ANO9: variants seen among roughly 807,000 people sequenced by gnomAD.
The protein encoded by ANO9 is anoctamin-9.
Under a neutral mutation model 100.5 loss-of-function variants are expected in ANO9, and 80 were observed. That is an observed-to-expected ratio of 0.80 (90% CI 0.66 to 0.96). The LOEUF (loss-of-function observed/expected upper bound fraction) is 0.96. Among genes scored for constraint, ANO9 ranks in the 40% least tolerant of loss-of-function variants. The probability of loss-of-function intolerance (pLI) is 0.00; values close to 1 mark genes in which losing one functional copy is unlikely to be tolerated. For missense variants in ANO9, 1,064 were observed against 1,072.7 expected (o/e 0.99, Z 0.11); for synonymous variants, 473 against 435.6 (o/e 1.09, Z -1.07).
intron 15 of ANO9, among the ~76,000 whole-genome samples, chr11:426,726 A>T (rs1848541874): frequency 1.3e-5 from 2 of 152,114 alleles, no homozygotes; most frequent in Admixed American, 1.3e-4. Flanking sequence ...CCCTGCCAGG[A>T]TCCCCAGGAA....
chr11:428,438 AC>A (rs747617478), intron 13 of ANO9, 36 bp downstream of exon 13: 3 of 1,611,970 alleles, frequency 1.9e-6, no homozygotes, highest in Non-Finnish European at 2.5e-6. Context: ...GCTCCGGTGG[AC>A]CCCCCAGCTC....
At position 418,180 on chromosome 11, in the gene ANO9, G is replaced by A. The variant is rs987174748; in HGVS notation, c.*191C>T. ...CAAGTCAGGGCTGTGCCAAGCCTGAGAGCCCCCACAAAGACGGAGCAGGCG... is the reference window on the plus strand; with the variant it reads ...CAAGTCAGGGCTGTGCCAAGCCTGAAAGCCCCCACAAAGACGGAGCAGGCG... On this transcript the variant is annotated 3_prime_UTR_variant, in exon 23 of 23. Transcript: ENST00000332826. The A allele has an allele frequency of 1.6e-6, 1 of 626,988 alleles. No individual in the cohort carries two copies. The highest frequency in any genetic ancestry group is 2.7e-6 in the Non-Finnish European group (1 of 368,328). The allele number at this position is 626,988 out of a possible 1,614,324, so 38.8% of individuals were successfully genotyped here.
intron 20 of ANO9, 90 bp downstream of exon 20, chr11:419,492 A>G (rs1848047045): frequency 2.6e-6 from 4 of 1,531,456 alleles, no homozygotes. Context: ...AGGTCCAGCC[A>G]TTCCCAGGAG....
At chr11:426,105 T>C (rs922842551) in intron 15 of ANO9, among the ~76,000 whole-genome samples, 3 of 152,192 alleles carry the variant, frequency 2.0e-5, no homozygotes, top group Non-Finnish European at 4.4e-5. Context: ...ATGGAACATA[T>C]AGTTTCACAC....
In ANO9 at chr11:431,858, G is replaced by A. The variant is rs1849034707; in HGVS notation, c.455C>T (p.Pro152Leu). ...CAGCCCACCCCTCACCTTGTGCAGGGGGAACCTGGCCTCAAAGACCCCGTC... is the reference window on the plus strand; with the variant it reads ...CAGCCCACCCCTCACCTTGTGCAGGAGGAACCTGGCCTCAAAGACCCCGTC... ...MKDGVFEARF[P>L]LHKGEGRLKK... The change falls in exon 6 of 23, where the codon CCC becomes CTC. Residue 152 changes from proline to leucine, a missense_variant. Physicochemically the swap from Pro to Leu is moderately conservative, Grantham distance 98 (BLOSUM62 -3). Transcript: ENST00000332826. The A allele has an allele frequency of 6.2e-7, 1 of 1,610,866 alleles. No homozygotes were observed. Among genetic ancestry groups the A allele is most frequent in the African/African-American group, 1.3e-5 (1 of 74,856 alleles).
intron 1 of ANO9, among the ~76,000 whole-genome samples, chr11:437,680 A>T (rs1845467701): frequency 6.6e-6 from 1 of 152,212 alleles, no homozygotes; most frequent in Non-Finnish European, 1.5e-5. Context: ...CTCAGCGCAG[A>T]GGGCAGCCTC....
intron 1 of ANO9, among the ~76,000 whole-genome samples, chr11:434,736 C>T (rs986295553): frequency 5.3e-5 from 8 of 152,142 alleles, no homozygotes; most frequent in African/African-American, 1.2e-4. Context: ...GCACAGTGCA[C>T]GGGGCTCCTG....
rs1198280423 is a variant in ANO9 at position 428,730 on chromosome 11, G to C, written c.1012C>G (p.Leu338Val). Residue 338 changes from leucine to valine, a missense_variant, in exon 12 of 23, where the codon CTG becomes GTG. Transcript: ENST00000332826. Reference protein sequence around the residue: ...LRSTVILVLTLLMICLMIGMA... With the variant: ...LRSTVILVLTVLMICLMIGMA... Reference sequence around the variant, plus strand: ...CGGTGTCCCCTGCGTACCATGAGCAGGGTCAGGACGAGGATGACGGTGCTG... The same window carrying C: ...CGGTGTCCCCTGCGTACCATGAGCACGGTCAGGACGAGGATGACGGTGCTG... The C allele has an allele frequency of 6.2e-7, 1 of 1,613,274 alleles. No homozygotes were observed.
rs1282966406 is a variant in ANO9 at position 418,963 on chromosome 11, C to T, written c.1961G>A (p.Ser654Asn). 6.2e-7 allele frequency: 1 copy of T among 1,607,248 alleles called. No homozygotes were observed. Among genetic ancestry groups the T allele is most frequent in the East Asian group, 2.2e-5 (1 of 44,580 alleles). The change falls in exon 21 of 23, where the codon AGC (serine) becomes AAC (asparagine). Residue 654 changes from serine to asparagine, a missense_variant. Transcript: ENST00000332826. ...VDCLKGYVNH[S>N]LSVFHTKDFQ... ...GTCCTTGGTGTGGAAGACGGACAGG[C>T]TGTGGTTGACGTAGCCCTTGAGGCA...
chr11:420,402 G>A (rs958888767), intron 19 of ANO9, 61 bp downstream of exon 19: 3 of 1,576,712 alleles, frequency 1.9e-6, no homozygotes, highest in Non-Finnish European at 2.6e-6. Context: ...CCTGGCCAGC[G>A]GGAAGCCCAC....
Position 432,190 on chromosome 11 carries a change from A to T in ANO9, c.351-136T>A. On this transcript the variant is annotated intron_variant, in intron 4 of 22. Coordinates refer to ENST00000332826, the MANE Select transcript of ANO9 (RefSeq NM_001012302.3). This position sits in a 1 kb window ranked among gnomAD's most constrained non-coding sequence, Gnocchi z 4.8. ...CCCCCAGCCTGCCAGCCCTGACCAG[A>T]GCCCAGAATCCACAACTCACCCGGG... 1 of 954,932 alleles carries T rather than the reference A, an allele frequency of 1.0e-6. No individual in the cohort carries two copies. The highest frequency in any genetic ancestry group is 1.6e-6 in the Non-Finnish European group (1 of 639,736). 59.2% of individuals were successfully genotyped at this position (954,932 alleles called of 1,614,324 possible).
intron 15 of ANO9, among the ~76,000 whole-genome samples, chr11:423,182 G>C (rs546753200): frequency 6.6e-6 from 1 of 152,120 alleles, no homozygotes; most frequent in Non-Finnish European, 1.5e-5. Context: ...TCATCTGAAA[G>C]AATAAACATA....
chr11:418,354 C>T lies in ANO9; in HGVS notation c.*17G>A, dbSNP rs766460371. ...GCACTGTCTCAGCTCCTGGTGGCCT[C>T]TGGACGGGCTCTGGCCCTACACGTC... is the stretch of plus-strand genomic sequence containing the variant. On this transcript the variant is annotated 3_prime_UTR_variant, in exon 23 of 23. Transcript: ENST00000332826. 7.6e-6 allele frequency: 12 copies of T among 1,576,684 alleles called. No homozygotes were observed. Among genetic ancestry groups the T allele is most frequent in the Non-Finnish European group, 9.5e-6 (11 of 1,162,046 alleles).
At chr11:424,160 C>T (rs1258404094) in intron 15 of ANO9, among the ~76,000 whole-genome samples, 2 of 152,206 alleles carry the variant, frequency 1.3e-5, no homozygotes, top group South Asian at 4.1e-4. Context: ...TCCCAAAGTG[C>T]TGGGATTTCA....
chr11:423,882 T>TACACACAC (rs1378695546), intron 15 of ANO9, among the ~76,000 whole-genome samples: 28 of 52,576 alleles, frequency 5.3e-4, no homozygotes, highest in Admixed American at 8.8e-4. Flanking sequence ...CACAGTTGAA[T>TACACACAC]ACTCACACAC....
In ANO9 at chr11:433,905, G is replaced by A. The variant is rs201993673; in HGVS notation, c.114C>T (p.Leu38=). The change falls in exon 3 of 23, where the codon CTC becomes CTT. Residue 38 remains leucine, a synonymous_variant. Transcript: ENST00000332826. The stretch of plus-strand genomic sequence containing the variant: ...CTCTCTGGGTGTGACGTTGGGCCAC[G>A]AGGACATAGTCCCACTGCTCGGAGG... ...TEASEQWDYV[L]VAQRHTQRDP... is the part of the protein sequence containing the mutation. The A allele has an allele frequency of 2.4e-5, 38 of 1,563,794 alleles. 1 individual carries two copies. Among genetic ancestry groups the A allele is most frequent in the Non-Finnish European group, 3.2e-5 (37 of 1,154,204 alleles).
intron 15 of ANO9, among the ~76,000 whole-genome samples, chr11:426,564 T>C (rs1375234827): frequency 6.6e-6 from 1 of 152,102 alleles, no homozygotes; most frequent in Non-Finnish European, 1.5e-5. Flanking sequence ...TGGATCAAGA[T>C]ACTGTCTCTA....
rs745527157 is a variant in ANO9, at chr11:418,413, G to C, written c.2307C>G (p.Pro769=). 3.1e-6 allele frequency: 5 copies of C among 1,612,298 alleles called. No individual in the cohort carries two copies. In the East Asian group the frequency reaches 1.1e-4, roughly 36 times the overall value. The change falls in exon 23 of 23, where the codon CCC becomes CCG. Residue 769 remains proline, a synonymous_variant. Transcript: ENST00000332826. ...TGGCACTGAAGATGGATGCTGGGGT[G>C]GGATGGGCAGGCATTGGGGGCCGAG... ...AGSRPPMPAH[P]TPASIFSARS... is the part of the protein sequence containing the mutation.
rs1361627573 is a variant in ANO9, at chr11:421,969, CTT to C, written c.1335-773_1335-772del. ...TACATTTGCAAAGAAAAAAATGACT[CTT>C]TTAGAAAACATGATTATGTACCTGG... On this transcript the variant is annotated intron_variant, in intron 15 of 22. Transcript: ENST00000332826. This position sits in a 1 kb window ranked among gnomAD's most constrained non-coding sequence, Gnocchi z 6.8. Among the ~76,000 whole-genome samples the C allele has an allele frequency of 2.6e-5, 4 of 152,298 alleles. No individual in the cohort carries two copies. Among genetic ancestry groups the C allele is most frequent in the South Asian group, 2.1e-4 (1 of 4,820 alleles).
Sources: gnomAD v4.1 joint callset for allele counts (sites outside exome capture counted in the v4.1 genomes callset) on GRCh38, gnomAD v4.1.1 for gene constraint, Gnocchi (gnomAD v3.1) non-coding constraint, MANE v1.5 for transcripts, NCBI Gene and HGNC (gene_info 2026-07-23, HGNC 2026-07-21) for gene names.